The following ATP8B1 variants were observed in gnomAD, a reference collection of about 807,000 sequenced individuals.
ATP8B1 encodes ATPase phospholipid transporting 8B1, also known as phospholipid-transporting ATPase IC.
A neutral mutation model predicts 149.9 loss-of-function variants in ATP8B1; 80 were observed. That is an observed-to-expected ratio of 0.53 (90% CI 0.45 to 0.64). ATP8B1 has a LOEUF of 0.64. ATP8B1 is among the 30% of genes least tolerant of loss of function. The probability of loss-of-function intolerance (pLI) is 0.00; values close to 1 mark genes in which losing one functional copy is unlikely to be tolerated. For missense variants in ATP8B1, 1,247 were observed against 1,552.6 expected (o/e 0.80, Z 3.31); for synonymous variants, 536 against 562.8 (o/e 0.95, Z 0.67).
At chr18:57,727,433 CTAAA>C (rs2079719682) in intron 2 of ATP8B1, among the ~76,000 whole-genome samples, 1 of 152,144 alleles carries the variant, frequency 6.6e-6, no homozygotes, top group Non-Finnish European at 1.5e-5. Context: ...TTGGTTCCAA[CTAAA>C]TATTAATTCA....
intron 17 of ATP8B1, among the ~76,000 whole-genome samples, chr18:57,670,629 G>A (rs764846636): frequency 5.9e-5 from 9 of 151,840 alleles, no homozygotes; most frequent in East Asian, 2.0e-4. Flanking sequence ...GATTACAGGC[G>A]TGAGCTACTG....
At chr18:57,697,346 T>C (rs1344968940) in intron 8 of ATP8B1, among the ~76,000 whole-genome samples, 7 of 152,178 alleles carry the variant, frequency 4.6e-5, no homozygotes, top group Non-Finnish European at 8.8e-5. Flanking sequence ...CTCGATATTA[T>C]TCATATCTGT....
At chr18:57,697,350 T>C (rs1003956296) in intron 8 of ATP8B1, among the ~76,000 whole-genome samples, 1 of 152,214 alleles carries the variant, frequency 6.6e-6, no homozygotes, top group African/African-American at 2.4e-5. Context: ...ATATTATTCA[T>C]ATCTGTCTGG....
At chr18:57,760,195 C>T (rs2080134768) in intron 1 of ATP8B1, among the ~76,000 whole-genome samples, 1 of 152,144 alleles carries the variant, frequency 6.6e-6, no homozygotes, top group Admixed American at 6.6e-5. Flanking sequence ...GATTTTAATT[C>T]CCGGTAGAAA....
At chr18:57,720,593 A>G (rs2079634582) in intron 2 of ATP8B1, among the ~76,000 whole-genome samples, 1 of 124,462 alleles carries the variant, frequency 8.0e-6, no homozygotes, top group Admixed American at 8.8e-5. Context: ...ATATGGGACT[A>G]TGTGAAAAGA....
intron 1 of ATP8B1, among the ~76,000 whole-genome samples, chr18:57,799,084 T>C (rs1489381843): frequency 6.6e-6 from 1 of 152,224 alleles, no homozygotes; most frequent in African/African-American, 2.4e-5. Flanking sequence ...CTATCTCATT[T>C]GGAACTCATC....
chr18:57,781,456 T>C (rs2080356181), intron 1 of ATP8B1, among the ~76,000 whole-genome samples: 1 of 152,182 alleles, frequency 6.6e-6, no homozygotes, highest in Non-Finnish European at 1.5e-5. Flanking sequence ...AAATTCTTTA[T>C]TTTTACAAGA....
At chr18:57,671,723 A>G in intron 16 of ATP8B1, 143 bp from the exon 17 acceptor site, 1 of 653,736 alleles carries the variant, frequency 1.5e-6, no homozygotes, top group Non-Finnish European at 2.8e-6. Flanking sequence ...CCCAGGCTCA[A>G]GCAATCCTCC....
chr18:57,698,181 G>A (rs1912921503), intron 6 of ATP8B1, among the ~76,000 whole-genome samples: 1 of 152,060 alleles, frequency 6.6e-6, no homozygotes, highest in South Asian at 2.1e-4. Context: ...TGTCCAACTT[G>A]CCTCCCTGCT....
At chr18:57,790,048 T>G (rs2080447643) in intron 1 of ATP8B1, among the ~76,000 whole-genome samples, 1 of 152,170 alleles carries the variant, frequency 6.6e-6, no homozygotes, top group Admixed American at 6.5e-5. Context: ...CTAAAACTAC[T>G]CCTTGGTCTC....
chr18:57,654,992 C>T (rs758927704), intron 23 of ATP8B1, among the ~76,000 whole-genome samples: 1 of 152,124 alleles, frequency 6.6e-6, no homozygotes, highest in Non-Finnish European at 1.5e-5. Flanking sequence ...TGGCCAAATC[C>T]CCTCCTTTCT....
At chr18:57,739,309 C>T (rs142794732) in intron 1 of ATP8B1, among the ~76,000 whole-genome samples, 115 of 152,152 alleles carry the variant, frequency 7.6e-4, no homozygotes, top group African/African-American at 2.6e-3. Flanking sequence ...ATTTCTTATT[C>T]GTTAGGTCTC....
chr18:57,725,873 A>G (rs2079700857), intron 2 of ATP8B1, among the ~76,000 whole-genome samples: 1 of 152,224 alleles, frequency 6.6e-6, no homozygotes, highest in Admixed American at 6.5e-5. Context: ...ATATGCAAAA[A>G]TTGAATCAAA....
At chr18:57,760,578 C>A (rs998233639) in intron 1 of ATP8B1, among the ~76,000 whole-genome samples, 3 of 152,220 alleles carry the variant, frequency 2.0e-5, no homozygotes, top group South Asian at 2.1e-4. Context: ...GGCACTTAAC[C>A]CGAATCTCCT....
intron 1 of ATP8B1, among the ~76,000 whole-genome samples, chr18:57,792,884 G>A (rs373335748): frequency 9.8e-5 from 15 of 152,288 alleles, no homozygotes; most frequent in East Asian, 7.7e-4. Flanking sequence ...GGGCTTGTGA[G>A]TGGCAATAGC....
At position 57,762,407 on chromosome 18, in the gene ATP8B1, G is replaced by A. The variant is rs140539517; in HGVS notation, c.-25-30575C>T. Among the ~76,000 whole-genome samples the A allele has an allele frequency of 4.0e-3, 602 of 152,240 alleles. 3 individuals carry two copies. The highest frequency in any genetic ancestry group is 0.025 in the East Asian group (127 of 5,170). The stretch of plus-strand genomic sequence containing the variant: ...GCCCGCGTCAGCCCCCCGAAGTGCT[G>A]AGATTACAGGTGTGAGCCAATGTGC... On this transcript the variant is annotated intron_variant, in intron 1 of 27. Coordinates refer to ENST00000648908, the MANE Select transcript of ATP8B1 (RefSeq NM_001374385.1).
chr18:57,685,591 A>G (rs577556430), intron 13 of ATP8B1, among the ~76,000 whole-genome samples: 1 of 152,116 alleles, frequency 6.6e-6, no homozygotes, highest in Admixed American at 6.6e-5. Flanking sequence ...AAATTTACAT[A>G]AAATTAAATT....
At chr18:57,768,565 C>A (rs2080238160) in intron 1 of ATP8B1, among the ~76,000 whole-genome samples, 1 of 106,098 alleles carries the variant, frequency 9.4e-6, no homozygotes, top group African/African-American at 3.6e-5. Context: ...TTCTAAAAGG[C>A]CATTTTTACT....
chr18:57,772,714 G>C (rs1347414309), intron 1 of ATP8B1, among the ~76,000 whole-genome samples: 1 of 152,120 alleles, frequency 6.6e-6, no homozygotes, highest in East Asian at 1.9e-4. Context: ...CTAAGGTAAG[G>C]CAGACCCTAG....
Sources: allele counts gnomAD v4.1 joint callset (sites outside exome capture counted in the v4.1 genomes callset), GRCh38; gene constraint gnomAD v4.1.1; transcripts MANE v1.5; gene names NCBI Gene and HGNC (gene_info 2026-07-23, HGNC 2026-07-21).